DIPK1A: variants seen among roughly 807,000 people sequenced by gnomAD.
The protein encoded by DIPK1A is divergent protein kinase domain 1A.
In DIPK1A, 27 loss-of-function variants were observed where a neutral mutation model predicts 40.8. The observed-to-expected ratio is 0.66, with a 90% CI of 0.49 to 0.91. DIPK1A has a LOEUF of 0.91. DIPK1A is among the 40% of genes least tolerant of loss of function. DIPK1A has a pLI of 0.00. For missense variants in DIPK1A, 412 were observed against 505.7 expected (o/e 0.81, Z 1.78); for synonymous variants, 166 against 171.3 (o/e 0.97, Z 0.24).
At chr1:92,874,080 A>AAAGCT (rs1648004234) in intron 2 of DIPK1A, among the ~76,000 whole-genome samples, 1 of 152,212 alleles carries the variant, frequency 6.6e-6, no homozygotes, top group East Asian at 1.9e-4. Flanking sequence ...TTAGACTCAG[A>AAAGCT]AAGCTCTTTC....
At chr1:92,837,320 T>G, downstream of DIPK1A, 1 of 803,576 alleles carries the variant, frequency 1.2e-6, no homozygotes, top group Admixed American at 1.7e-5. Context: ...AACTGAGCAG[T>G]CAGTAGTTGG....
chr1:92,869,214 T>G (rs1647719108), intron 2 of DIPK1A, among the ~76,000 whole-genome samples: 2 of 151,692 alleles, frequency 1.3e-5, no homozygotes, highest in Non-Finnish European at 2.9e-5. Context: ...CAGGCTGGAG[T>G]GTAGTGGTGC....
At chr1:92,938,289 G>A (rs941700267) in intron 1 of DIPK1A, among the ~76,000 whole-genome samples, 1 of 150,012 alleles carries the variant, frequency 6.7e-6, no homozygotes, top group Non-Finnish European at 1.5e-5. Context: ...CCAGCTACTT[G>A]GGAGGCTGAG....
chr1:92,933,094 TA>T (rs1224457442), intron 1 of DIPK1A: 71 of 152,112 alleles, frequency 4.7e-4, no homozygotes, highest in African/African-American at 1.6e-3. Flanking sequence ...CTCTAAAAAT[TA>T]AAGTATATTT....
chr1:92,836,482 A>C, intron 4 of DIPK1A: 1 of 1,218,912 alleles, frequency 8.2e-7, no homozygotes, highest in South Asian at 1.2e-5. Context: ...GAATTAAAGT[A>C]GCTATCAATT....
chr1:92,871,583 G>A (rs1647863016), intron 2 of DIPK1A, among the ~76,000 whole-genome samples: 2 of 152,144 alleles, frequency 1.3e-5, no homozygotes, highest in Non-Finnish European at 2.9e-5. Flanking sequence ...AAAGTCTAAA[G>A]TTAACTGGTT....
chr1:92,859,564 T>G (rs187241119), intron 2 of DIPK1A, among the ~76,000 whole-genome samples: 60 of 152,340 alleles, frequency 3.9e-4, no homozygotes, highest in African/African-American at 1.4e-3. Flanking sequence ...AATGCACAGG[T>G]GCTTGGCTAG....
downstream of DIPK1A, among the ~76,000 whole-genome samples, chr1:92,841,306 G>GCA: frequency 6.6e-6 from 1 of 152,100 alleles, no homozygotes; most frequent in East Asian, 1.9e-4. Flanking sequence ...ATTTCACTGA[G>GCA]CACAATATTC....
intron 2 of DIPK1A, among the ~76,000 whole-genome samples, chr1:92,862,624 C>T (rs764047009): frequency 1.3e-5 from 2 of 152,188 alleles, no homozygotes; most frequent in Non-Finnish European, 2.9e-5. Flanking sequence ...CTCTCCACTA[C>T]AAGTAGCAAA....
chr1:92,959,035 C>T (rs1214161347), intron 1 of DIPK1A, among the ~76,000 whole-genome samples: 1 of 152,148 alleles, frequency 6.6e-6, no homozygotes, highest in Non-Finnish European at 1.5e-5. Flanking sequence ...CCTGTAATCC[C>T]ATCACTTTGG....
At chr1:92,855,525 C>T (rs1327852509) in intron 2 of DIPK1A, among the ~76,000 whole-genome samples, 2 of 151,696 alleles carry the variant, frequency 1.3e-5, no homozygotes, top group African/African-American at 4.8e-5. Context: ...ATAGTGAGAC[C>T]TCATATCTAA....
intron 2 of DIPK1A, among the ~76,000 whole-genome samples, chr1:92,872,069 CTTTTTTTTTTTTTTT>C (rs148010880): frequency 5.9e-5 from 4 of 67,936 alleles, no homozygotes; most frequent in Non-Finnish European, 7.7e-5. Flanking sequence ...TTCTTTAAAT[CTTTTTTTTTTTTTTT>C]TTTTTTTTTT....
At chr1:92,945,878 G>A (rs1651341892) in intron 1 of DIPK1A, among the ~76,000 whole-genome samples, 1 of 152,218 alleles carries the variant, frequency 6.6e-6, no homozygotes, top group South Asian at 2.1e-4. Context: ...CTGTTCAGGG[G>A]AGAAACTGTG....
At chr1:92,893,023 T>G (rs1648971850) in intron 1 of DIPK1A, among the ~76,000 whole-genome samples, 1 of 152,066 alleles carries the variant, frequency 6.6e-6, no homozygotes, top group South Asian at 2.1e-4. Flanking sequence ...AATCTACATC[T>G]GATTGGTGTA....
rs373726926 is a variant in DIPK1A at position 92,897,127 on chromosome 1, A to C, written c.55-20697T>G. Among the ~76,000 whole-genome samples, 604 of 151,944 alleles carry C rather than the reference A, an allele frequency of 4.0e-3. 26 individuals are homozygous for C. The East Asian group carries it at 0.096, about 24-fold the overall frequency. On this transcript the variant is annotated intron_variant, in intron 1 of 4. Transcript: ENST00000370310. The stretch of plus-strand genomic sequence containing the variant: ...CCTCAGGGATCTAGAACTAGAAATA[A>C]CATTTGACCCAGCCATCCCATTACT...
chr1:92,961,162 G>A (rs1471627113), intron 1 of DIPK1A, among the ~76,000 whole-genome samples: 1 of 151,510 alleles, frequency 6.6e-6, no homozygotes, highest in Non-Finnish European at 1.5e-5. Flanking sequence ...TGGCCGCGGC[G>A]CGGGAGCCGC....
At chr1:92,961,294 G>T in intron 1 of DIPK1A, 82 bp downstream of exon 1, 1 of 1,060,358 alleles carries the variant, frequency 9.4e-7, no homozygotes. Context: ...AGGGAGGAGG[G>T]GAGCGGGCGA....
intron 1 of DIPK1A, among the ~76,000 whole-genome samples, chr1:92,881,103 G>A (rs1397936074): frequency 6.9e-6 from 1 of 144,518 alleles, no homozygotes; most frequent in Non-Finnish European, 1.5e-5. Context: ...AACCCGGGAG[G>A]TGGAGGTTGT....
chr1:92,860,344 A>T (rs1647202012), intron 2 of DIPK1A, among the ~76,000 whole-genome samples: 1 of 152,084 alleles, frequency 6.6e-6, no homozygotes, highest in South Asian at 2.1e-4. Context: ...TTAAGTGCCC[A>T]CGCTGGCCTA....
Sources: gnomAD v4.1 joint callset for allele counts (sites outside exome capture counted in the v4.1 genomes callset) on GRCh38, gnomAD v4.1.1 for gene constraint, MANE v1.5 for transcripts, NCBI Gene and HGNC (gene_info 2026-07-23, HGNC 2026-07-21) for gene names.